The following CERT1 variants were observed in gnomAD, a reference collection of about 807,000 sequenced individuals.
CERT1 encodes ceramide transporter 1.
Under a neutral mutation model 87.9 loss-of-function variants are expected in CERT1, and 31 were observed. That is an observed-to-expected ratio of 0.35 (90% CI 0.27 to 0.48). The LOEUF (loss-of-function observed/expected upper bound fraction) is 0.48. Ranked by LOEUF, CERT1 falls within the 20% of genes least tolerant of loss-of-function variation. The pLI is 0.99. For missense variants in CERT1, 487 were observed against 758.0 expected (o/e 0.64, Z 4.20); for synonymous variants, 289 against 250.9 (o/e 1.15, Z -1.44).
At chr5:75,478,421 A>G (rs976199093) in intron 2 of CERT1, among the ~76,000 whole-genome samples, 5 of 152,210 alleles carry the variant, frequency 3.3e-5, no homozygotes, top group Non-Finnish European at 7.3e-5. Context: ...TTAAGATGTC[A>G]CAGGTGACTA....
chr5:75,430,444 G>T (rs1763817627), intron 3 of CERT1, among the ~76,000 whole-genome samples: 1 of 152,048 alleles, frequency 6.6e-6, no homozygotes. Flanking sequence ...GTACTTCATG[G>T]TATGCAAATT....
At chr5:75,371,315 T>G (rs1761077787) in intron 17 of CERT1, 1 of 152,226 alleles carries the variant, frequency 6.6e-6, no homozygotes, top group South Asian at 2.1e-4. Context: ...ATACATCGTC[T>G]GTACAACTCG....
chr5:75,459,955 T>C (rs890479938), intron 2 of CERT1, among the ~76,000 whole-genome samples: 57 of 97,244 alleles, frequency 5.9e-4, no homozygotes, highest in African/African-American at 2.3e-3. Flanking sequence ...GAGTGAGTCC[T>C]CCGTCTCAAA....
At chr5:75,413,023 A>G (rs940622440) in intron 7 of CERT1, among the ~76,000 whole-genome samples, 7 of 152,180 alleles carry the variant, frequency 4.6e-5, no homozygotes, top group Non-Finnish European at 8.8e-5. Flanking sequence ...AACATTGTAC[A>G]GCAGCACAAA....
intron 1 of CERT1, among the ~76,000 whole-genome samples, chr5:75,506,791 AAAAT>A (rs1767669873): frequency 6.6e-6 from 1 of 152,234 alleles, no homozygotes; most frequent in African/African-American, 2.4e-5. Flanking sequence ...TAATAAAACA[AAAAT>A]AAAATTGCTT....
Position 75,379,130 on chromosome 5 carries a change from C to A in CERT1, c.*216G>T. On this transcript the variant is annotated 3_prime_UTR_variant, in exon 17 of 17. Transcript: ENST00000643780. ...GCCAGAGGTTGAGGTTGCAGTGAGC[C>A]GTGATGGTGTCATTGCACTTCAGCT... 1 of 461,084 alleles carries A rather than the reference C, an allele frequency of 2.2e-6. No homozygotes were observed. Among genetic ancestry groups the A allele is most frequent in the Non-Finnish European group, 3.9e-6 (1 of 257,950 alleles). 28.6% of individuals were successfully genotyped at this position (461,084 alleles called of 1,614,324 possible). A position where few individuals can be genotyped will look rare whatever the true frequency, so the allele number is the denominator to read the frequency against.
intron 2 of CERT1, among the ~76,000 whole-genome samples, chr5:75,482,165 C>A (rs1766276061): frequency 6.6e-6 from 1 of 152,096 alleles, no homozygotes; most frequent in Non-Finnish European, 1.5e-5. Flanking sequence ...AGCCCTGGGC[C>A]AGAAGGGAGC....
At chr5:75,440,636 A>G (rs1764284638) in intron 3 of CERT1, among the ~76,000 whole-genome samples, 1 of 152,152 alleles carries the variant, frequency 6.6e-6, no homozygotes, top group African/African-American at 2.4e-5. Flanking sequence ...GAAGCTGGAA[A>G]AATTAACCAG....
intron 14 of CERT1, 59 bp downstream of exon 14, chr5:75,384,583 T>G (rs1450738069): frequency 8.3e-7 from 1 of 1,197,662 alleles, no homozygotes; most frequent in African/African-American, 1.5e-5. Flanking sequence ...TTAGAGAATC[T>G]ATATGTCTGA....
intron 8 of CERT1, among the ~76,000 whole-genome samples, chr5:75,410,161 T>C (rs1481770510): frequency 1.3e-5 from 2 of 152,134 alleles, no homozygotes; most frequent in Non-Finnish European, 1.5e-5. Flanking sequence ...TTTCTCTTAA[T>C]ATAGAAAGCT....
At position 75,478,092 on chromosome 5, in the gene CERT1, C is replaced by G. The variant is rs555243313; in HGVS notation, c.232-18911G>C. Among the ~76,000 whole-genome samples the G allele has an allele frequency of 3.7e-4, 57 of 152,220 alleles. No homozygotes were observed. In the East Asian group the frequency reaches 0.011, roughly 28 times the overall value. On this transcript the variant is annotated intron_variant, in intron 2 of 16. Coordinates refer to ENST00000643780, the MANE Select transcript of CERT1 (RefSeq NM_001379029.1). ...CTTTGGGAGGCTGAGGCGGGCAGAT[C>G]ACCTGAAGTCAGGAGTTCGAGACTA...
intron 11 of CERT1, among the ~76,000 whole-genome samples, chr5:75,390,785 T>C (rs926223901): frequency 6.6e-6 from 1 of 152,180 alleles, no homozygotes; most frequent in Non-Finnish European, 1.5e-5. Context: ...GTTTTGAACA[T>C]ATTTCAAAGT....
At chr5:75,471,207 A>G (rs1487559048) in intron 2 of CERT1, among the ~76,000 whole-genome samples, 1 of 152,176 alleles carries the variant, frequency 6.6e-6, no homozygotes, top group Non-Finnish European at 1.5e-5. Flanking sequence ...TTCGTCAGCT[A>G]TACATATCTA....
At chr5:75,390,786 A>T (rs1195102331) in intron 11 of CERT1, among the ~76,000 whole-genome samples, 2 of 152,118 alleles carry the variant, frequency 1.3e-5, no homozygotes, top group Non-Finnish European at 2.9e-5. Context: ...TTTTGAACAT[A>T]TTTCAAAGTA....
intron 2 of CERT1, among the ~76,000 whole-genome samples, chr5:75,485,846 G>T (rs1046404748): frequency 7.9e-5 from 12 of 152,034 alleles, no homozygotes; most frequent in Non-Finnish European, 1.3e-4. Context: ...ATAACAAGTT[G>T]TAAGGTCAAA....
chr5:75,388,632 A>ATC (rs1261008909), intron 12 of CERT1, among the ~76,000 whole-genome samples: 1 of 107,102 alleles, frequency 9.3e-6, no homozygotes. Context: ...ATATATATAT[A>ATC]TATATATATC....
intron 2 of CERT1, among the ~76,000 whole-genome samples, chr5:75,480,577 TC>T (rs1348199332): frequency 2.6e-5 from 4 of 152,174 alleles, no homozygotes; most frequent in African/African-American, 9.7e-5. Context: ...TACACATAAC[TC>T]CAACTGGGCC....
At chr5:75,457,211 T>C (rs1006790702) in intron 3 of CERT1, among the ~76,000 whole-genome samples, 1 of 152,210 alleles carries the variant, frequency 6.6e-6, no homozygotes, top group Non-Finnish European at 1.5e-5. Flanking sequence ...TTAGTGAATT[T>C]AGTTGAGACT....
Position 75,453,814 on chromosome 5 carries a change from G to A in CERT1, c.348+5251C>T, listed in dbSNP as rs10041470. ...AATAAAACTCATTTTGTTTGCACGCGTGTATGTATGTGAGAGAGAGAGAGA... is the reference window on the plus strand; with the variant it reads ...AATAAAACTCATTTTGTTTGCACGCATGTATGTATGTGAGAGAGAGAGAGA... On this transcript the variant is annotated intron_variant, in intron 3 of 16. Transcript: ENST00000643780. 8.3e-5 allele frequency among the ~76,000 whole-genome samples: 6 copies of A among 72,310 alleles called. No homozygotes were observed. The East Asian group carries it at 1.3e-3, about 15-fold the overall frequency. The allele number at this position is 72,310 out of a possible 152,430, so 47.4% of individuals were successfully genotyped here.
Sources: allele counts gnomAD v4.1 joint callset (sites outside exome capture counted in the v4.1 genomes callset), GRCh38; gene constraint gnomAD v4.1.1; transcripts MANE v1.5; gene names NCBI Gene and HGNC (gene_info 2026-07-23, HGNC 2026-07-21).